Variants in SEMA4F observed in about 807,000 individuals in gnomAD.
The protein encoded by SEMA4F is semaphorin-4F.
SEMA4F carries 51 observed loss-of-function variants against 78.4 expected under a neutral mutation model. The ratio of observed to expected loss-of-function variants is 0.65; its 90% CI spans 0.52 to 0.82. The LOEUF (loss-of-function observed/expected upper bound fraction) is 0.82. Among genes scored for constraint, SEMA4F ranks in the 40% least tolerant of loss-of-function variants. The pLI, the probability that SEMA4F is intolerant of heterozygous loss-of-function variation, is 0.00. For missense variants in SEMA4F, 938 were observed against 1,014.4 expected (o/e 0.92, Z 1.02); for synonymous variants, 418 against 408.7 (o/e 1.02, Z -0.27).
At chr2:74,684,433 A>G (rs1685767212), downstream of SEMA4F, among the ~76,000 whole-genome samples, 1 of 152,044 alleles carries the variant, frequency 6.6e-6, no homozygotes, top group Admixed American at 6.6e-5. Context: ...CTTAGTAGTC[A>G]CTCAGGAACC....
At chr2:74,674,445 C>A in intron 7 of SEMA4F, 53 bp from the exon 8 acceptor site, 1 of 1,532,326 alleles carries the variant, frequency 6.5e-7, no homozygotes, top group Non-Finnish European at 8.8e-7. Flanking sequence ...CTCCATGCTC[C>A]TTGCCCAATG....
the SEMA4F span, among the ~76,000 whole-genome samples, chr2:74,706,463 T>C: frequency 1.3e-5 from 2 of 152,000 alleles, no homozygotes; most frequent in Admixed American, 6.5e-5. Context: ...TGGAGATGCA[T>C]AGAGGGGAGA....
the SEMA4F span, among the ~76,000 whole-genome samples, chr2:74,701,919 TC>T: frequency 6.6e-6 from 1 of 152,104 alleles, no homozygotes; most frequent in East Asian, 1.9e-4. Flanking sequence ...GGTCAACCAT[TC>T]CAGCCGTTGA....
rs1263989532 is a variant in SEMA4F at position 74,682,910 on chromosome 2, A to T, written c.*2701A>T. The T allele has an allele frequency of 6.6e-6, 1 of 152,284 alleles. No homozygotes were observed. Among genetic ancestry groups the T allele is most frequent in the East Asian group, 1.9e-4 (1 of 5,198 alleles). 9.4% of individuals were successfully genotyped at this position (152,284 alleles called of 1,614,324 possible). A position where few individuals can be genotyped will look rare whatever the true frequency, so the allele number is the denominator to read the frequency against. ...AAAGCCTGCTGAAATTACTCAAACT[A>T]GCCAATCCTAAGTCTGCCTACCCTG... On this transcript the variant is annotated 3_prime_UTR_variant, in exon 14 of 14. Coordinates refer to ENST00000357877, the MANE Select transcript of SEMA4F (RefSeq NM_004263.5).
chr2:74,675,244 A>C lies in SEMA4F; in HGVS notation c.1232A>C (p.His411Pro). The C allele has an allele frequency of 6.2e-7, 1 of 1,614,008 alleles. No individual in the cohort carries two copies. The highest frequency in any genetic ancestry group is 8.5e-7 in the Non-Finnish European group (1 of 1,179,996). The change falls in exon 10 of 14, where the codon CAC (histidine) becomes CCC (proline). Residue 411 changes from histidine to proline, a missense_variant. Coordinates refer to ENST00000357877, the MANE Select transcript of SEMA4F (RefSeq NM_004263.5). ...CGCGTACTCACCTTCATCCGGGACCACCCACTCATGGACAGGCCAGTGTTT... is the reference window on the plus strand; with the variant it reads ...CGCGTACTCACCTTCATCCGGGACCCCCCACTCATGGACAGGCCAGTGTTT... ...PDRVLTFIRD[H>P]PLMDRPVFPA... is the part of the protein sequence containing the mutation.
At chr2:74,657,992 C>T (rs746079610) in intron 4 of SEMA4F, 41 bp downstream of exon 4, 3 of 1,561,864 alleles carry the variant, frequency 1.9e-6, no homozygotes, top group East Asian at 4.5e-5. Context: ...GGTGCCTGCA[C>T]CAGTGTGAGT....
At chr2:74,700,501 C>T in the SEMA4F span, among the ~76,000 whole-genome samples, 4 of 152,154 alleles carry the variant, frequency 2.6e-5, no homozygotes, top group East Asian at 3.8e-4. Flanking sequence ...TCTTCAGCCT[C>T]GCAGGCTAGA....
the SEMA4F span, among the ~76,000 whole-genome samples, chr2:74,696,097 TATTA>T: frequency 6.6e-6 from 1 of 152,152 alleles, no homozygotes; most frequent in African/African-American, 2.4e-5. Flanking sequence ...AAAAAATCTT[TATTA>T]ATTTCTTTTT....
chr2:74,672,346 C>A (rs951851631), intron 5 of SEMA4F, among the ~76,000 whole-genome samples: 1 of 152,198 alleles, frequency 6.6e-6, no homozygotes, highest in African/African-American at 2.4e-5. Flanking sequence ...GATACTGTTC[C>A]CTCAGGTAGA....
intron 12 of SEMA4F, among the ~76,000 whole-genome samples, chr2:74,676,795 T>G (rs1558734845): frequency 6.6e-6 from 1 of 152,168 alleles, no homozygotes; most frequent in Non-Finnish European, 1.5e-5. Context: ...CATTTTCCAT[T>G]TAGCAGCTTA....
chr2:74,661,869 A>G (rs748326407), intron 4 of SEMA4F, among the ~76,000 whole-genome samples: 1 of 152,216 alleles, frequency 6.6e-6, no homozygotes, highest in Non-Finnish European at 1.5e-5. Context: ...TGTGAACTAA[A>G]GATATCATCC....
the SEMA4F span, among the ~76,000 whole-genome samples, chr2:74,696,185 CTTTTTTTTTTTT>C: frequency 1.8e-5 from 2 of 109,008 alleles, no homozygotes; most frequent in South Asian, 6.0e-4. Flanking sequence ...TCTCCTGCCT[CTTTTTTTTTTTT>C]TTTTTTTTTT....
intron 5 of SEMA4F, among the ~76,000 whole-genome samples, chr2:74,665,654 A>G (rs1684654345): frequency 6.6e-6 from 1 of 152,200 alleles, no homozygotes; most frequent in African/African-American, 2.4e-5. Context: ...CATGATTATC[A>G]TTATCTATTG....
intron 5 of SEMA4F, among the ~76,000 whole-genome samples, chr2:74,666,795 A>G (rs556706678): frequency 3.9e-5 from 6 of 152,304 alleles, no homozygotes; most frequent in East Asian, 1.9e-4. Flanking sequence ...CTTAAAGATA[A>G]TAGCAGTATT....
the SEMA4F span, among the ~76,000 whole-genome samples, chr2:74,708,180 G>A: frequency 6.6e-6 from 1 of 151,900 alleles, no homozygotes; most frequent in Non-Finnish European, 1.5e-5. Flanking sequence ...CTGTTTCCAA[G>A]TAGTTTAACT....
At chr2:74,692,381 CAT>C in the SEMA4F span, among the ~76,000 whole-genome samples, 49 of 152,222 alleles carry the variant, frequency 3.2e-4, no homozygotes, top group African/African-American at 1.1e-3. Flanking sequence ...GGAGGAAACA[CAT>C]ATGGGGGACA....
At chr2:74,704,459 G>A in the SEMA4F span, among the ~76,000 whole-genome samples, 1 of 151,436 alleles carries the variant, frequency 6.6e-6, no homozygotes. Flanking sequence ...GCAAGTTGAT[G>A]CACGTCTCTC....
chr2:74,667,484 A>G (rs1684753744), intron 5 of SEMA4F, among the ~76,000 whole-genome samples: 1 of 152,210 alleles, frequency 6.6e-6, no homozygotes, highest in African/African-American at 2.4e-5. Context: ...CCTCCTACAA[A>G]GTCCAGTATG....
chr2:74,656,767 T>C (rs957933048), intron 2 of SEMA4F, 82 bp downstream of exon 2: 2 of 1,443,852 alleles, frequency 1.4e-6, no homozygotes, highest in Admixed American at 3.6e-5. Context: ...GTGGGGGATT[T>C]CATAATAACT....
Sources: gnomAD v4.1 joint callset for allele counts (sites outside exome capture counted in the v4.1 genomes callset) on GRCh38, gnomAD v4.1.1 for gene constraint, MANE v1.5 for transcripts, NCBI Gene and HGNC (gene_info 2026-07-23, HGNC 2026-07-21) for gene names.